Variants in ITPRID1 observed in about 807,000 individuals in gnomAD.
ITPRID1 encodes the protein ITPR interacting domain containing 1.
A neutral mutation model predicts 95.4 loss-of-function variants in ITPRID1; 96 were observed. That is an observed-to-expected ratio of 1.01 (90% CI 0.85 to 1.19). The LOEUF is 1.19. Among genes scored for constraint, ITPRID1 ranks in the 50% most tolerant of loss-of-function variants. ITPRID1 has a pLI of 0.00. For synonymous variants in ITPRID1, 510 were observed against 453.6 expected (o/e 1.12, Z -1.58); for missense variants, 1,339 against 1,252.9 (o/e 1.07, Z -1.04).
intron 10 of ITPRID1, among the ~76,000 whole-genome samples, chr7:31,620,334 G>A (rs562198665): frequency 3.3e-5 from 5 of 152,080 alleles, no homozygotes; most frequent in Non-Finnish European, 7.4e-5. Flanking sequence ...CCTGACCCCT[G>A]AGCAGCCTAA....
At chr7:31,598,570 C>G (rs910574773) in intron 10 of ITPRID1, among the ~76,000 whole-genome samples, 2 of 151,626 alleles carry the variant, frequency 1.3e-5, no homozygotes, top group Non-Finnish European at 2.9e-5. Flanking sequence ...CGCCCGGCTA[C>G]TTTTTTGTAT....
At chr7:31,519,620 C>CTCTATATATATATATATATATATATA in intron 1 of ITPRID1, among the ~76,000 whole-genome samples, 3 of 25,266 alleles carry the variant, frequency 1.2e-4, no homozygotes, top group Non-Finnish European at 1.5e-4. Flanking sequence ...CTCTCTCTCT[C>CTCTATATATATATATATATATATATA]TATATATATA....
chr7:31,601,613 C>T (rs1435922822), intron 10 of ITPRID1, among the ~76,000 whole-genome samples: 1 of 152,204 alleles, frequency 6.6e-6, no homozygotes, highest in African/African-American at 2.4e-5. Flanking sequence ...TAACATCCTA[C>T]ACATGAATCT....
In ITPRID1 at chr7:31,608,874, G is replaced by A. The variant is rs1786740571; in HGVS notation, c.1228+25683G>A. Reference sequence around the variant, plus strand: ...CCTTATTATCCTGGAAATAGAAGAGGAGAGAGTGGACATCCTTATTTTCTT... The same window carrying A: ...CCTTATTATCCTGGAAATAGAAGAGAAGAGAGTGGACATCCTTATTTTCTT... On this transcript the variant is annotated intron_variant, in intron 10 of 14. Coordinates refer to ENST00000615280, the MANE Select transcript of ITPRID1 (RefSeq NM_001257967.3). Among the ~76,000 whole-genome samples the A allele has an allele frequency of 2.0e-5, 3 of 151,522 alleles. No individual in the cohort carries two copies. The South Asian group carries it at 6.2e-4, about 31-fold the overall frequency.
intron 3 of ITPRID1, 79 bp downstream of exon 3, chr7:31,553,266 G>A: frequency 1.5e-6 from 2 of 1,341,620 alleles, no homozygotes; most frequent in Non-Finnish European, 2.0e-6. Context: ...GCCAGGGGCA[G>A]GTGATTTTGG....
chr7:31,614,327 T>C (rs1787016149), intron 10 of ITPRID1, among the ~76,000 whole-genome samples: 1 of 152,156 alleles, frequency 6.6e-6, no homozygotes, highest in Non-Finnish European at 1.5e-5. Flanking sequence ...TTGGTGAGAT[T>C]ATGGGAGTAA....
chr7:31,623,021 C>T (rs1466883815), intron 10 of ITPRID1, among the ~76,000 whole-genome samples: 3 of 152,164 alleles, frequency 2.0e-5, no homozygotes, highest in South Asian at 2.1e-4. Flanking sequence ...GGATAAATTC[C>T]TCAACACATA....
chr7:31,566,295 A>G (rs1784798242), intron 5 of ITPRID1, among the ~76,000 whole-genome samples: 2 of 152,224 alleles, frequency 1.3e-5, no homozygotes, highest in Admixed American at 6.5e-5. Flanking sequence ...CAGTTCGTGC[A>G]ATGCACTGTG....
chr7:31,519,578 A>ATCTCGCTC (rs1175787772), intron 1 of ITPRID1, among the ~76,000 whole-genome samples: 2 of 37,474 alleles, frequency 5.3e-5, no homozygotes, highest in Admixed American at 8.7e-4. Flanking sequence ...TATTTCTGGT[A>ATCTCGCTC]TCTCTCTCTC....
intron 10 of ITPRID1, among the ~76,000 whole-genome samples, chr7:31,605,148 A>AAG (rs397774085): frequency 1.5e-4 from 22 of 149,364 alleles, no homozygotes; most frequent in African/African-American, 4.9e-4. Flanking sequence ...AAAAAAAAAA[A>AAG]GAGAAAATAA....
intron 10 of ITPRID1, among the ~76,000 whole-genome samples, chr7:31,617,661 A>C (rs965719588): frequency 1.3e-5 from 2 of 152,106 alleles, no homozygotes; most frequent in African/African-American, 2.4e-5. Flanking sequence ...AGGAAAAAAA[A>C]ACCCACGATA....
At position 31,643,360 on chromosome 7, in the gene ITPRID1, A is replaced by G. The variant is rs1790197988; in HGVS notation, c.1990A>G (p.Ile664Val). 4.3e-6 allele frequency: 7 copies of G among 1,613,878 alleles called. No homozygotes were observed. Among genetic ancestry groups the G allele is most frequent in the Non-Finnish European group, 5.9e-6 (7 of 1,179,882 alleles). The change falls in exon 12 of 15, where the codon ATT (isoleucine) becomes GTT (valine). Residue 664 changes from isoleucine (I) to valine (V), a missense_variant. Coordinates refer to ENST00000615280, the MANE Select transcript of ITPRID1 (RefSeq NM_001257967.3). ...CCTTGCTCAAACATCTGAAAAGCTC[A>G]TTCCCCACCTCCATAAACTGCCTGG... ...TDLAQTSEKL[I>V]PHLHKLPGDP...
chr7:31,624,250 T>G (rs1788218222), intron 10 of ITPRID1, among the ~76,000 whole-genome samples: 1 of 145,322 alleles, frequency 6.9e-6, no homozygotes, highest in African/African-American at 2.5e-5. Flanking sequence ...ATGACTTTCT[T>G]CACAGAATTG....
At chr7:31,547,263 G>A (rs1284026973) in intron 1 of ITPRID1, among the ~76,000 whole-genome samples, 8 of 152,162 alleles carry the variant, frequency 5.3e-5, no homozygotes. Context: ...TATTTTAATG[G>A]CTCCCGTATT....
At chr7:31,604,084 A>C (rs1259977517) in intron 10 of ITPRID1, among the ~76,000 whole-genome samples, 1 of 152,166 alleles carries the variant, frequency 6.6e-6, no homozygotes, top group South Asian at 2.1e-4. Context: ...GACCCTTTGC[A>C]TGCATCTTTG....
In ITPRID1 at chr7:31,652,098, G is replaced by A. The variant is rs1264313693; in HGVS notation, c.2823+48G>A. On this transcript the variant is annotated intron_variant, in intron 14 of 14. Coordinates refer to ENST00000615280, the MANE Select transcript of ITPRID1 (RefSeq NM_001257967.3). ...TTTGACTATATCCAGCCTACCACAGGAGAGGTGCATTAAATGAGAAACTTG... is the reference window on the plus strand; with the variant it reads ...TTTGACTATATCCAGCCTACCACAGAAGAGGTGCATTAAATGAGAAACTTG... 9 of 1,291,018 alleles carry A rather than the reference G, an allele frequency of 7.0e-6. 1 individual carries two copies. The highest frequency in any genetic ancestry group is 6.4e-5 in the South Asian group (5 of 77,662). 80.0% of individuals were successfully genotyped at this position (1,291,018 alleles called of 1,614,324 possible). A position where few individuals can be genotyped will look rare whatever the true frequency, so the allele number is the denominator to read the frequency against.
In ITPRID1 at chr7:31,655,860, G is replaced by T; in HGVS notation, c.*3031G>T. On this transcript the variant is annotated 3_prime_UTR_variant, in exon 15 of 15. Coordinates refer to ENST00000615280, the MANE Select transcript of ITPRID1 (RefSeq NM_001257967.3). ...TTCTTCCTTGCTCCTTCCCTGTAAC[G>T]CCTACGGAATGAAGAGGAACACCTG... The T allele has an allele frequency of 7.1e-6, 7 of 985,412 alleles. No individual in the cohort carries two copies. The highest frequency in any genetic ancestry group is 7.2e-6 in the Non-Finnish European group (6 of 829,952). 61.0% of individuals were successfully genotyped at this position (985,412 alleles called of 1,614,324 possible).
At chr7:31,556,561 G>T (rs1205067432) in intron 5 of ITPRID1, among the ~76,000 whole-genome samples, 1 of 152,084 alleles carries the variant, frequency 6.6e-6, no homozygotes, top group East Asian at 1.9e-4. Flanking sequence ...TGATGAGAGA[G>T]CTGCACTGAG....
rs572055809 is a variant in ITPRID1 at position 31,596,234 on chromosome 7, A to G, written c.1228+13043A>G. Among the ~76,000 whole-genome samples, 109 of 151,604 alleles carry G rather than the reference A, an allele frequency of 7.2e-4. 1 individual carries two copies. The highest frequency in any genetic ancestry group is 0.013 in the Middle Eastern group (2 of 154). On this transcript the variant is annotated intron_variant, in intron 10 of 14. Coordinates refer to ENST00000615280, the MANE Select transcript of ITPRID1 (RefSeq NM_001257967.3). The stretch of plus-strand genomic sequence containing the variant: ...ACATAAACTAAGTTTATCAGAAATT[A>G]CTTCTGAGAAAAGCAATGAGAAAAA...
Sources: gnomAD v4.1 joint callset for allele counts (sites outside exome capture counted in the v4.1 genomes callset) on GRCh38, gnomAD v4.1.1 for gene constraint, MANE v1.5 for transcripts, NCBI Gene and HGNC (gene_info 2026-07-23, HGNC 2026-07-21) for gene names.